MATCAP2: variants seen among roughly 807,000 people sequenced by gnomAD.
MATCAP2 encodes the protein microtubule associated tyrosine carboxypeptidase 2, also known as putative tyrosine carboxypeptidase MATCAP2.
the MATCAP2 span, among the ~76,000 whole-genome samples, chr7:36,386,715 A>G: frequency 0.53 from 80,677 of 151,872 alleles, 21,600 homozygotes; most frequent in East Asian, 0.67. Flanking sequence ...TAAATAAAAA[A>G]TCATGTTCAC....
the MATCAP2 span, among the ~76,000 whole-genome samples, chr7:36,383,667 G>T: frequency 6.6e-6 from 1 of 152,166 alleles, no homozygotes. Flanking sequence ...CTGTAGGGGG[G>T]TGGAGAGTTA....
chr7:36,384,721 C>A, the MATCAP2 span, among the ~76,000 whole-genome samples: 1 of 152,286 alleles, frequency 6.6e-6, no homozygotes, highest in East Asian at 1.9e-4. Context: ...GTAGCACATG[C>A]AAGCTTAGGC....
chr7:36,388,713 G>A, the MATCAP2 span, among the ~76,000 whole-genome samples: 2 of 152,152 alleles, frequency 1.3e-5, no homozygotes, highest in African/African-American at 4.8e-5. Context: ...TGTGGAAAAC[G>A]GGTCATGAGC....
the MATCAP2 span, among the ~76,000 whole-genome samples, chr7:36,386,602 A>G: frequency 2.0e-5 from 3 of 152,318 alleles, no homozygotes; most frequent in East Asian, 5.8e-4. Context: ...TAAACAACCA[A>G]CAAAAACCCT....
the MATCAP2 span, among the ~76,000 whole-genome samples, chr7:36,328,667 C>T: frequency 6.6e-6 from 1 of 151,870 alleles, no homozygotes; most frequent in African/African-American, 2.4e-5. Flanking sequence ...TAATTTGAAC[C>T]CAGGAGACGG....
the MATCAP2 span, chr7:36,326,666 C>A: frequency 8.5e-7 from 1 of 1,172,594 alleles, no homozygotes; most frequent in South Asian, 1.7e-5. Flanking sequence ...CACAAGTAGT[C>A]TTTCTTCTTT....
the MATCAP2 span, among the ~76,000 whole-genome samples, chr7:36,385,301 T>C: frequency 2.6e-5 from 4 of 152,244 alleles, no homozygotes; most frequent in Admixed American, 2.0e-4. Flanking sequence ...GATTTTCTTT[T>C]CTTTTCTTTT....
At chr7:36,386,311 C>A in the MATCAP2 span, among the ~76,000 whole-genome samples, 7 of 152,008 alleles carry the variant, frequency 4.6e-5, no homozygotes, top group Admixed American at 2.6e-4. Flanking sequence ...GCATGAAAAG[C>A]CATACTTTAA....
At chr7:36,324,562 T>C in the MATCAP2 span, 1 of 152,206 alleles carries the variant, frequency 6.6e-6, no homozygotes. Flanking sequence ...TATAATTTTC[T>C]GTTTATTAAA....
chr7:36,389,893 C>T, the MATCAP2 span: 41 of 1,519,460 alleles, frequency 2.7e-5, no homozygotes, highest in African/African-American at 4.6e-4. Context: ...GAGGAGAGGA[C>T]AGCTGGTTGT....
At chr7:36,377,614 G>A in the MATCAP2 span, among the ~76,000 whole-genome samples, 2 of 152,084 alleles carry the variant, frequency 1.3e-5, no homozygotes, top group African/African-American at 2.4e-5. Context: ...TCTTTGTGGT[G>A]TTCTCTGTAT....
chr7:36,381,718 C>T, the MATCAP2 span, among the ~76,000 whole-genome samples: 4 of 151,046 alleles, frequency 2.6e-5, no homozygotes, highest in African/African-American at 9.7e-5. Context: ...GGAGAATACA[C>T]CAGCAAACAG....
At chr7:36,357,986 C>G in the MATCAP2 span, among the ~76,000 whole-genome samples, 1 of 152,052 alleles carries the variant, frequency 6.6e-6, no homozygotes. Context: ...ATCACTTGAG[C>G]AGGAGCTGGA....
At chr7:36,380,501 G>C in the MATCAP2 span, among the ~76,000 whole-genome samples, 1 of 152,214 alleles carries the variant, frequency 6.6e-6, no homozygotes, top group Non-Finnish European at 1.5e-5. Context: ...AGATTAGCAA[G>C]TTAAGTGCAG....
chr7:36,365,001 T>G, the MATCAP2 span, among the ~76,000 whole-genome samples: 1 of 152,148 alleles, frequency 6.6e-6, no homozygotes, highest in African/African-American at 2.4e-5. Context: ...GATTCATAAA[T>G]GTACTGCCAC....
the MATCAP2 span, among the ~76,000 whole-genome samples, chr7:36,371,825 A>G: frequency 6.6e-6 from 1 of 152,100 alleles, no homozygotes; most frequent in African/African-American, 2.4e-5. Context: ...CAGTGGCGCG[A>G]TCATAACTCC....
the MATCAP2 span, among the ~76,000 whole-genome samples, chr7:36,353,661 A>G: frequency 4.6e-5 from 7 of 151,874 alleles, no homozygotes; most frequent in Non-Finnish European, 1.0e-4. Context: ...TTGTATTTTT[A>G]GTAGAGACGG....
chr7:36,377,543 T>C, the MATCAP2 span, among the ~76,000 whole-genome samples: 2 of 152,192 alleles, frequency 1.3e-5, no homozygotes. Context: ...ATTTTTTCCT[T>C]CATTTCAACC....
At chr7:36,369,539 A>G in the MATCAP2 span, among the ~76,000 whole-genome samples, 1 of 152,206 alleles carries the variant, frequency 6.6e-6, no homozygotes, top group East Asian at 1.9e-4. Flanking sequence ...CTCCTAAAAG[A>G]TGTTACCAAG....
Sources: gnomAD v4.1 joint callset for allele counts (sites outside exome capture counted in the v4.1 genomes callset) on GRCh38, gnomAD v4.1.1 for gene constraint, MANE v1.5 for transcripts, NCBI Gene and HGNC (gene_info 2026-07-23, HGNC 2026-07-21) for gene names.